EYA2: variants seen among roughly 807,000 people sequenced by gnomAD.
The protein encoded by EYA2 is EYA transcriptional coactivator and phosphatase 2.
Under a neutral mutation model 69.2 loss-of-function variants are expected in EYA2, and 31 were observed. The observed-to-expected ratio is 0.45, with a 90% confidence interval of 0.34 to 0.60. The LOEUF (loss-of-function observed/expected upper bound fraction) is 0.60. EYA2 is among the 20% of genes least tolerant of loss of function. The pLI is 0.02. For synonymous variants in EYA2, 257 were observed against 279.4 expected (o/e 0.92, Z 0.80); for missense variants, 622 against 701.2 (o/e 0.89, Z 1.28).
chr20:46,932,102 G>A (rs924354494), intron 1 of EYA2, among the ~76,000 whole-genome samples: 5 of 151,562 alleles, frequency 3.3e-5, no homozygotes, highest in African/African-American at 9.7e-5. Flanking sequence ...AGATTAAGTC[G>A]TTTGTTTTTC....
chr20:46,984,059 GTTTTC>G (rs895451010), intron 1 of EYA2, among the ~76,000 whole-genome samples: 1 of 152,046 alleles, frequency 6.6e-6, no homozygotes, highest in African/African-American at 2.4e-5. Flanking sequence ...GCTTATTTTT[GTTTTC>G]TTCAATATGG....
In EYA2 at chr20:47,143,050, G is replaced by A; in HGVS notation, c.889-9G>A. Reference sequence around the variant, plus strand: ...CGTGCATGTGATTTTCCCCTTCTCTGCCTCGCAGGACACCACGACGTCCGT... The same window carrying A: ...CGTGCATGTGATTTTCCCCTTCTCTACCTCGCAGGACACCACGACGTCCGT... On this transcript the variant is annotated splice_polypyrimidine_tract_variant and intron_variant, in intron 9 of 15. Coordinates refer to ENST00000327619, the MANE Select transcript of EYA2 (RefSeq NM_005244.5). The A allele has an allele frequency of 6.2e-7, 1 of 1,611,662 alleles. No homozygotes were observed. The highest frequency in any genetic ancestry group is 8.5e-7 in the Non-Finnish European group (1 of 1,178,912).
chr20:46,990,335 CTTGAACT>C (rs1981575305), intron 2 of EYA2, among the ~76,000 whole-genome samples: 1 of 152,240 alleles, frequency 6.6e-6, no homozygotes, highest in Non-Finnish European at 1.5e-5. Context: ...TCATTCGTGT[CTTGAACT>C]TCCTTTCTTG....
chr20:46,973,654 A>T (rs1980275582), intron 1 of EYA2, among the ~76,000 whole-genome samples: 2 of 152,224 alleles, frequency 1.3e-5, no homozygotes, highest in African/African-American at 2.4e-5. Context: ...ACACATTTGG[A>T]AAAACCGTGA....
At chr20:47,080,092 A>G (rs1207018128) in intron 7 of EYA2, among the ~76,000 whole-genome samples, 2 of 152,234 alleles carry the variant, frequency 1.3e-5, no homozygotes, top group African/African-American at 4.8e-5. Flanking sequence ...CTTCTGGGCC[A>G]TAAAACAAGT....
intron 12 of EYA2, among the ~76,000 whole-genome samples, chr20:47,173,927 C>T (rs1430393428): frequency 6.6e-6 from 1 of 152,184 alleles, no homozygotes; most frequent in Non-Finnish European, 1.5e-5. Context: ...AAGGAGAGAC[C>T]CGCCCCCTGG....
At chr20:47,066,581 A>T (rs918734233) in intron 5 of EYA2, among the ~76,000 whole-genome samples, 2 of 152,156 alleles carry the variant, frequency 1.3e-5, no homozygotes, top group African/African-American at 2.4e-5. Context: ...CATATCCAAG[A>T]TGGCCCCATT....
chr20:47,163,034 C>T (rs74881975), intron 10 of EYA2, among the ~76,000 whole-genome samples: 1 of 122,962 alleles, frequency 8.1e-6, no homozygotes, highest in Non-Finnish European at 1.7e-5. Flanking sequence ...GGGTGTATCA[C>T]TCTTTTTTTT....
chr20:47,104,981 A>T (rs1354022174), intron 9 of EYA2, among the ~76,000 whole-genome samples: 3 of 152,186 alleles, frequency 2.0e-5, no homozygotes, highest in Admixed American at 6.5e-5. Context: ...AGATCATGCC[A>T]TTGCACTCCA....
intron 10 of EYA2, among the ~76,000 whole-genome samples, chr20:47,163,352 G>A (rs988796999): frequency 2.0e-5 from 3 of 152,036 alleles, no homozygotes; most frequent in African/African-American, 4.8e-5. Flanking sequence ...TCTTTAACCT[G>A]CGTTTTTCAC....
chr20:46,972,663 GC>G (rs1324161910), intron 1 of EYA2, among the ~76,000 whole-genome samples: 1 of 152,098 alleles, frequency 6.6e-6, no homozygotes. Context: ...TCCCCACCTG[GC>G]AAGTGAGAAA....
chr20:46,902,869 T>C (rs1984181097), intron 1 of EYA2, among the ~76,000 whole-genome samples: 1 of 152,200 alleles, frequency 6.6e-6, no homozygotes, highest in Admixed American at 6.5e-5. Flanking sequence ...ACAAAGACCA[T>C]ACGGCCTGCA....
intron 9 of EYA2, among the ~76,000 whole-genome samples, chr20:47,111,068 T>G (rs1393319600): frequency 6.6e-6 from 1 of 152,232 alleles, no homozygotes; most frequent in Non-Finnish European, 1.5e-5. Context: ...TCCTTCATAG[T>G]TTTAAGGCAT....
At chr20:47,148,592 A>G (rs975516815) in intron 10 of EYA2, among the ~76,000 whole-genome samples, 1 of 152,228 alleles carries the variant, frequency 6.6e-6, no homozygotes, top group African/African-American at 2.4e-5. Flanking sequence ...CCTGGGTCCC[A>G]GCCAACTGCT....
intron 1 of EYA2, among the ~76,000 whole-genome samples, chr20:46,964,243 G>GA (rs1979647238): frequency 6.6e-6 from 1 of 152,204 alleles, no homozygotes; most frequent in African/African-American, 2.4e-5. Flanking sequence ...TAGCCCAAGG[G>GA]GCAGTGGGGA....
intron 4 of EYA2, among the ~76,000 whole-genome samples, chr20:47,007,503 G>A (rs1199051747): frequency 2.0e-5 from 3 of 152,186 alleles, no homozygotes; most frequent in East Asian, 1.9e-4. Context: ...CGGGGCCTCC[G>A]AGGCCCAGGA....
rs571907931 is a variant in EYA2, at chr20:47,075,269, A to G, written c.661+934A>G. ...CCCTTTAGTTTGGGAAATAAAGTGC[A>G]GTGTAGAGTTAAGCTTTGCAGACAG... is the stretch of plus-strand genomic sequence containing the variant. On this transcript the variant is annotated intron_variant, in intron 7 of 15. Transcript: ENST00000327619. Among the ~76,000 whole-genome samples, 28 of 152,352 alleles carry G rather than the reference A, an allele frequency of 1.8e-4. No individual in the cohort carries two copies. In the South Asian group the frequency reaches 5.8e-3, roughly 32 times the overall value.
chr20:47,077,598 T>C (rs993165346), intron 7 of EYA2, among the ~76,000 whole-genome samples: 3 of 152,304 alleles, frequency 2.0e-5, no homozygotes, highest in Non-Finnish European at 4.4e-5. Context: ...GGTGTGGCTA[T>C]TGATTTTAGC....
At chr20:46,972,435 G>A (rs1980198137) in intron 1 of EYA2, among the ~76,000 whole-genome samples, 1 of 152,180 alleles carries the variant, frequency 6.6e-6, no homozygotes, top group Non-Finnish European at 1.5e-5. Context: ...CATTGGCACA[G>A]TGTCATGTGG....
Sources: gnomAD v4.1 joint callset for allele counts (sites outside exome capture counted in the v4.1 genomes callset) on GRCh38, gnomAD v4.1.1 for gene constraint, MANE v1.5 for transcripts, NCBI Gene and HGNC (gene_info 2026-07-23, HGNC 2026-07-21) for gene names.